The following KCND2 variants were observed in gnomAD, a reference collection of about 807,000 sequenced individuals.
KCND2 encodes the protein A-type voltage-gated potassium channel KCND2.
A neutral mutation model predicts 54.4 loss-of-function variants in KCND2; 16 were observed. That is an observed-to-expected ratio of 0.29 (90% CI 0.20 to 0.45). The LOEUF is 0.45. Ranked by LOEUF, KCND2 falls within the 20% of genes least tolerant of loss-of-function variation. The probability of loss-of-function intolerance (pLI) is 1.00; values close to 1 mark genes in which losing one functional copy is unlikely to be tolerated. For missense variants in KCND2, 486 were observed against 824.2 expected (o/e 0.59, Z 5.02); for synonymous variants, 317 against 310.7 (o/e 1.02, Z -0.21).
Position 120,494,475 on chromosome 7 carries a change from A to G in KCND2, c.1115+218728A>G, listed in dbSNP as rs576230731. Reference sequence around the variant, plus strand: ...GAAATCACCTGGAAAAGCTATGTGTAGGTCAGACTAACATTAAAGATAGTA... The same window carrying G: ...GAAATCACCTGGAAAAGCTATGTGTGGGTCAGACTAACATTAAAGATAGTA... On this transcript the variant is annotated intron_variant, in intron 1 of 5. Coordinates refer to ENST00000331113, the MANE Select transcript of KCND2 (RefSeq NM_012281.3). Among the ~76,000 whole-genome samples the G allele has an allele frequency of 5.3e-5, 8 of 152,294 alleles. No homozygotes were observed. In the South Asian group the frequency reaches 1.2e-3, roughly 24 times the overall value.
intron 1 of KCND2, among the ~76,000 whole-genome samples, chr7:120,336,260 C>A (rs757068698): frequency 6.6e-6 from 1 of 152,178 alleles, no homozygotes; most frequent in Non-Finnish European, 1.5e-5. Context: ...TTAATAATTA[C>A]CCCGCTTTCG....
intron 1 of KCND2, among the ~76,000 whole-genome samples, chr7:120,731,532 T>C (rs956712002): frequency 2.0e-5 from 3 of 152,172 alleles, no homozygotes; most frequent in South Asian, 2.1e-4. Flanking sequence ...CTAAATGAGG[T>C]AGGCCCTTGG....
At chr7:120,555,405 C>A (rs1014528502) in intron 1 of KCND2, among the ~76,000 whole-genome samples, 2 of 152,208 alleles carry the variant, frequency 1.3e-5, no homozygotes, top group Non-Finnish European at 2.9e-5. Flanking sequence ...CCTCCCATCT[C>A]AGCCTCCAGA....
At chr7:120,580,021 A>C (rs1231650124) in intron 1 of KCND2, among the ~76,000 whole-genome samples, 1 of 152,208 alleles carries the variant, frequency 6.6e-6, no homozygotes, top group African/African-American at 2.4e-5. Context: ...CAGATCTCTC[A>C]CACTTCCCTT....
intron 1 of KCND2, among the ~76,000 whole-genome samples, chr7:120,350,955 ATGTT>A (rs1800390910): frequency 6.6e-6 from 1 of 152,238 alleles, no homozygotes; most frequent in Admixed American, 6.5e-5. Flanking sequence ...TCTCTATTGA[ATGTT>A]TGTTATAAAA....
At chr7:120,453,327 T>C (rs1018834054) in intron 1 of KCND2, among the ~76,000 whole-genome samples, 4 of 152,156 alleles carry the variant, frequency 2.6e-5, no homozygotes, top group Non-Finnish European at 5.9e-5. Context: ...AGCACACATA[T>C]GGACTCCAGA....
intron 1 of KCND2, among the ~76,000 whole-genome samples, chr7:120,412,646 G>T (rs1283211421): frequency 6.6e-6 from 1 of 151,888 alleles, no homozygotes; most frequent in Non-Finnish European, 1.5e-5. Flanking sequence ...CACCCTGTGC[G>T]GTCATCAAGA....
At chr7:120,744,105 C>CA (rs896027728) in intron 4 of KCND2, among the ~76,000 whole-genome samples, 97 of 151,940 alleles carry the variant, frequency 6.4e-4, no homozygotes, top group African/African-American at 2.3e-3. Context: ...ACTAAAAATA[C>CA]AAAAAAATTA....
In KCND2 at chr7:120,275,493, A is replaced by C. The variant is rs766966715; in HGVS notation, c.861A>C (p.Gly287=). ...TGACAGACAATGAGGACGTCAGCGG[A>C]GCCTTTGTCACACTCCGAGTCTTCC... is the stretch of plus-strand genomic sequence containing the variant. ...LVMTDNEDVS[G]AFVTLRVFRV... Residue 287 remains glycine, a synonymous_variant, in exon 1 of 6, where the codon GGA becomes GGC. Coordinates refer to ENST00000331113, the MANE Select transcript of KCND2 (RefSeq NM_012281.3). The C allele has an allele frequency of 1.9e-6, 3 of 1,612,330 alleles. No homozygotes were observed. The highest frequency in any genetic ancestry group is 1.7e-6 in the Non-Finnish European group (2 of 1,179,194).
chr7:120,483,508 A>G (rs141701410), intron 1 of KCND2, among the ~76,000 whole-genome samples: 189 of 152,324 alleles, frequency 1.2e-3, no homozygotes, highest in Non-Finnish European at 1.6e-3. Flanking sequence ...TCAGAAGCTA[A>G]AAAACAAGGC....
At chr7:120,279,826 A>G (rs1434810879) in intron 1 of KCND2, among the ~76,000 whole-genome samples, 1 of 151,908 alleles carries the variant, frequency 6.6e-6, no homozygotes, top group Non-Finnish European at 1.5e-5. Flanking sequence ...ATGATATACG[A>G]TAACATTATG....
chr7:120,279,774 A>G (rs527659846), intron 1 of KCND2, among the ~76,000 whole-genome samples: 10 of 152,014 alleles, frequency 6.6e-5, no homozygotes, highest in Non-Finnish European at 1.5e-5. Context: ...AGAATGGCAT[A>G]CTTTGAAATA....
At chr7:120,461,855 A>C (rs1562844823) in intron 1 of KCND2, among the ~76,000 whole-genome samples, 1 of 152,272 alleles carries the variant, frequency 6.6e-6, no homozygotes, top group Admixed American at 6.5e-5. Context: ...AGAGCTAACA[A>C]ATCAGTGTGT....
chr7:120,535,597 T>C (rs557244788), intron 1 of KCND2, among the ~76,000 whole-genome samples: 5 of 152,294 alleles, frequency 3.3e-5, no homozygotes, highest in African/African-American at 1.2e-4. Flanking sequence ...TGCCTCCCAC[T>C]GCTGTGCTGT....
At chr7:120,467,568 A>G (rs1468601395) in intron 1 of KCND2, among the ~76,000 whole-genome samples, 1 of 152,056 alleles carries the variant, frequency 6.6e-6, no homozygotes, top group Non-Finnish European at 1.5e-5. Context: ...GGCAGACCCA[A>G]CCTGTTTGGG....
intron 1 of KCND2, among the ~76,000 whole-genome samples, chr7:120,569,498 A>G (rs1367092364): frequency 5.3e-5 from 8 of 152,144 alleles, no homozygotes; most frequent in African/African-American, 1.9e-4. Context: ...CCTTCTGCCT[A>G]TTTACAAGCC....
intron 1 of KCND2, among the ~76,000 whole-genome samples, chr7:120,324,103 A>G (rs1177665908): frequency 6.6e-6 from 1 of 151,206 alleles, no homozygotes; most frequent in Non-Finnish European, 1.5e-5. Flanking sequence ...TCTTCTTTTG[A>G]GAAGTGTCTG....
In KCND2 at chr7:120,668,416, G is replaced by A. The variant is rs1351617399; in HGVS notation, c.1116-64487G>A. Among the ~76,000 whole-genome samples the A allele has an allele frequency of 5.7e-5, 4 of 70,520 alleles. No individual in the cohort carries two copies. In the Admixed American group the frequency reaches 5.9e-4, roughly 10 times the overall value. 46.3% of individuals were successfully genotyped at this position (70,520 alleles called of 152,430 possible). A position where few individuals can be genotyped will look rare whatever the true frequency, so the allele number is the denominator to read the frequency against. On this transcript the variant is annotated intron_variant, in intron 1 of 5. Coordinates refer to ENST00000331113, the MANE Select transcript of KCND2 (RefSeq NM_012281.3). ...AAAAAAGAGTGAAAGGGTTTTCTGA[G>A]AAAGACTTTATAACAACAGGCCTTT... is the stretch of plus-strand genomic sequence containing the variant.
chr7:120,670,633 A>G (rs116503547), intron 1 of KCND2, among the ~76,000 whole-genome samples: 2,241 of 152,002 alleles, frequency 0.015, 48 homozygotes, highest in African/African-American at 0.051. Flanking sequence ...AGGGATGAAT[A>G]GGGCTGGGCG....
Sources: gnomAD v4.1 joint callset for allele counts (sites outside exome capture counted in the v4.1 genomes callset) on GRCh38, gnomAD v4.1.1 for gene constraint, MANE v1.5 for transcripts, NCBI Gene and HGNC (gene_info 2026-07-23, HGNC 2026-07-21) for gene names.